Variants in SH3PXD2A observed in about 807,000 individuals in gnomAD.
The protein encoded by SH3PXD2A is SH3 and PX domains 2A.
A neutral mutation model predicts 115.2 loss-of-function variants in SH3PXD2A; 32 were observed. That is an observed-to-expected ratio of 0.28 (90% confidence interval 0.21 to 0.37). The LOEUF is 0.37. Among genes scored for constraint, SH3PXD2A ranks in the 10% least tolerant of loss-of-function variants. The pLI, the probability that SH3PXD2A is intolerant of heterozygous loss-of-function variation, is 1.00. For synonymous variants in SH3PXD2A, 610 were observed against 629.1 expected (o/e 0.97, Z 0.45); for missense variants, 1,328 against 1,498.7 (o/e 0.89, Z 1.88).
At chr10:103,629,866 T>C (rs959375090) in intron 8 of SH3PXD2A, among the ~76,000 whole-genome samples, 2 of 152,222 alleles carry the variant, frequency 1.3e-5, no homozygotes, top group Non-Finnish European at 2.9e-5. Context: ...GGCCTAGGCC[T>C]GTCCCCCTGG....
chr10:103,659,337 G>A (rs2134046532), intron 8 of SH3PXD2A, among the ~76,000 whole-genome samples: 1 of 152,292 alleles, frequency 6.6e-6, no homozygotes, highest in Admixed American at 6.5e-5. Flanking sequence ...GGCGTGGTGG[G>A]AGAACCATTG....
At chr10:103,623,274 C>T (rs577550201) in intron 9 of SH3PXD2A, among the ~76,000 whole-genome samples, 3 of 150,814 alleles carry the variant, frequency 2.0e-5, no homozygotes, top group African/African-American at 7.4e-5. Context: ...CAGGGGCCCC[C>T]TCCCCAGCTT....
chr10:103,712,053 A>T (rs906539396), intron 5 of SH3PXD2A, among the ~76,000 whole-genome samples: 18 of 146,426 alleles, frequency 1.2e-4, no homozygotes, highest in Non-Finnish European at 1.4e-4. Flanking sequence ...CTCAAAATTA[A>T]AAAAAAAAAA....
intron 5 of SH3PXD2A, among the ~76,000 whole-genome samples, chr10:103,707,417 G>A (rs931964213): frequency 1.2e-4 from 18 of 152,192 alleles, no homozygotes; most frequent in African/African-American, 4.3e-4. Flanking sequence ...GGCTGGTCTC[G>A]AACTCCTGAC....
intron 7 of SH3PXD2A, 62 bp downstream of exon 7, chr10:103,668,545 GC>G (rs1238297620): frequency 7.1e-7 from 1 of 1,404,688 alleles, no homozygotes; most frequent in Non-Finnish European, 9.9e-7. Context: ...GCAGGCACCG[GC>G]TCCCGCGCAC....
At chr10:103,812,468 T>C (rs2039280040) in intron 1 of SH3PXD2A, among the ~76,000 whole-genome samples, 1 of 152,006 alleles carries the variant, frequency 6.6e-6, no homozygotes, top group South Asian at 2.1e-4. Flanking sequence ...TCCAAGGGGC[T>C]TGGAAACAAC....
At chr10:103,661,938 G>A (rs1345501469) in intron 7 of SH3PXD2A, 11 of 985,334 alleles carry the variant, frequency 1.1e-5, no homozygotes, top group Non-Finnish European at 1.3e-5. Context: ...AGTTCGCTCC[G>A]TTCCTGCCCC....
chr10:103,839,773 G>A (rs74157359), intron 1 of SH3PXD2A, among the ~76,000 whole-genome samples: 11,745 of 152,270 alleles, frequency 0.077, 595 homozygotes, highest in African/African-American at 0.14. Flanking sequence ...AGGAAATTGA[G>A]GCTCAGCATT....
At position 103,739,562 on chromosome 10, in the gene SH3PXD2A, G is replaced by C. The variant is rs532051958; in HGVS notation, c.230-3754C>G. On this transcript the variant is annotated intron_variant, in intron 3 of 14. Coordinates refer to ENST00000369774, the MANE Select transcript of SH3PXD2A (RefSeq NM_001394015.1). ...GCCAAACCGGTGACCGTATAAAAAG[G>C]GGGAGAGAAAAAGGAGGGGGAGGAA... Among the ~76,000 whole-genome samples the C allele has an allele frequency of 3.9e-5, 6 of 152,236 alleles. No homozygotes were observed. In the South Asian group the frequency reaches 1.0e-3, roughly 26 times the overall value.
intron 2 of SH3PXD2A, among the ~76,000 whole-genome samples, chr10:103,775,895 G>C (rs1276870879): frequency 1.3e-5 from 2 of 152,190 alleles, no homozygotes; most frequent in African/African-American, 4.8e-5. Context: ...CTGGGATGGG[G>C]ACTGGCAGGT....
In SH3PXD2A at chr10:103,602,218, A is replaced by C; in HGVS notation, c.3000T>G (p.Asn1000Lys). 6.3e-7 allele frequency: 1 copy of C among 1,593,788 alleles called. No homozygotes were observed. Among genetic ancestry groups the C allele is most frequent in the Non-Finnish European group, 8.6e-7 (1 of 1,168,598 alleles). Residue 1000 changes from asparagine to lysine, a missense_variant, in exon 15 of 15, where the codon AAT becomes AAG. Physicochemically the swap from Asn to Lys is moderately conservative, Grantham distance 94. Coordinates refer to ENST00000369774, the MANE Select transcript of SH3PXD2A (RefSeq NM_001394015.1). ...GGCCATCAGTGGCCGTGAGTGACTC[A>C]TTCCTCCGCAGGGCGCAGGACAGGT... The part of the protein sequence containing the change: ...DNNLSCALRR[N>K]ESLTATDGLR...
At chr10:103,621,879 G>A (rs2036609940) in intron 10 of SH3PXD2A, among the ~76,000 whole-genome samples, 1 of 152,224 alleles carries the variant, frequency 6.6e-6, no homozygotes, top group African/African-American at 2.4e-5. Context: ...TACTGCTCCT[G>A]GCTGGACCTG....
intron 4 of SH3PXD2A, among the ~76,000 whole-genome samples, chr10:103,725,378 G>A (rs748429281): frequency 7.2e-5 from 11 of 152,122 alleles, no homozygotes; most frequent in Non-Finnish European, 1.0e-4. Flanking sequence ...GCAGGAGCAC[G>A]GCTTGTGGAG....
At chr10:103,742,258 T>C (rs2038452188) in intron 3 of SH3PXD2A, among the ~76,000 whole-genome samples, 1 of 152,154 alleles carries the variant, frequency 6.6e-6, no homozygotes, top group African/African-American at 2.4e-5. Flanking sequence ...GGAGAGTTCT[T>C]CTGCACCTCT....
intron 6 of SH3PXD2A, chr10:103,678,283 T>G (rs572611051): frequency 1.9e-6 from 1 of 524,540 alleles, no homozygotes. Flanking sequence ...AGCGCTGAGA[T>G]GCCACGTAAA....
At chr10:103,744,709 A>G (rs1322197358) in intron 3 of SH3PXD2A, among the ~76,000 whole-genome samples, 1 of 152,150 alleles carries the variant, frequency 6.6e-6, no homozygotes, top group Non-Finnish European at 1.5e-5. Context: ...TGAGGCCTAG[A>G]TGCTGAGGCT....
At chr10:103,820,330 G>A (rs1043975071) in intron 1 of SH3PXD2A, among the ~76,000 whole-genome samples, 4 of 152,064 alleles carry the variant, frequency 2.6e-5, no homozygotes, top group Admixed American at 1.3e-4. Flanking sequence ...ACTCCAGGAC[G>A]TCATTTGCTC....
chr10:103,716,332 G>A (rs1323419702), intron 5 of SH3PXD2A, among the ~76,000 whole-genome samples: 2 of 152,174 alleles, frequency 1.3e-5, no homozygotes, highest in Non-Finnish European at 2.9e-5. Flanking sequence ...GCCCCTGATG[G>A]GCAGGCTGAG....
At chr10:103,605,367 G>C (rs2036284508) in intron 14 of SH3PXD2A, among the ~76,000 whole-genome samples, 1 of 152,156 alleles carries the variant, frequency 6.6e-6, no homozygotes, top group South Asian at 2.1e-4. Flanking sequence ...TGTGGGGTTG[G>C]GCAATGCTGT....
Sources: gnomAD v4.1 joint callset for allele counts (sites outside exome capture counted in the v4.1 genomes callset) on GRCh38, gnomAD v4.1.1 for gene constraint, MANE v1.5 for transcripts, NCBI Gene and HGNC (gene_info 2026-07-23, HGNC 2026-07-21) for gene names.